PRKG1: variants seen among roughly 807,000 people sequenced by gnomAD.
PRKG1 encodes the protein protein kinase cGMP-dependent 1.
Under a neutral mutation model 88.1 loss-of-function variants are expected in PRKG1, and 35 were observed. The ratio of observed to expected loss-of-function variants is 0.40; its 90% CI spans 0.30 to 0.53. PRKG1 has a LOEUF of 0.53. Among genes scored for constraint, PRKG1 ranks in the 20% least tolerant of loss-of-function variants. PRKG1 has a pLI of 0.59. For synonymous variants in PRKG1, 303 were observed against 292.5 expected (o/e 1.04, Z -0.37); for missense variants, 540 against 839.8 (o/e 0.64, Z 4.41).
At chr10:52,251,509 T>C in intron 9 of PRKG1, 61 bp from the exon 10 acceptor site, 1 of 1,214,124 alleles carries the variant, frequency 8.2e-7, no homozygotes, top group Non-Finnish European at 1.2e-6. Flanking sequence ...GGTACAGATG[T>C]ACGTGGTACT....
intron 12 of PRKG1, 117 bp from the exon 13 acceptor site, chr10:52,280,672 C>A: frequency 1.9e-6 from 2 of 1,069,124 alleles, no homozygotes; most frequent in Non-Finnish European, 2.7e-6. Context: ...GCTAGCAGGA[C>A]AGTGATCTCT....
rs906904286 is a variant in PRKG1 at position 52,292,152 on chromosome 10, C to G, written c.1963-1650C>G. Among the ~76,000 whole-genome samples the G allele has an allele frequency of 2.7e-3, 414 of 151,258 alleles. 1 individual carries two copies. The highest frequency in any genetic ancestry group is 9.7e-3 in the African/African-American group (401 of 41,228). ...AATTTGTTTGAGTTCATTGTAGATTCTGGATATTAGCCCTTTGTCAGATGA... is the reference window on the plus strand; with the variant it reads ...AATTTGTTTGAGTTCATTGTAGATTGTGGATATTAGCCCTTTGTCAGATGA... On this transcript the variant is annotated intron_variant, in intron 17 of 17. Coordinates refer to ENST00000373980, the MANE Select transcript of PRKG1 (RefSeq NM_006258.4).
chr10:51,480,797 T>C (rs293305), intron 3 of PRKG1, among the ~76,000 whole-genome samples: 17,285 of 152,222 alleles, frequency 0.11, 1,163 homozygotes, highest in Non-Finnish European at 0.15. Context: ...TAAAATTTTC[T>C]AAATAAATGT....
At chr10:51,746,715 C>A (rs1264824014) in intron 3 of PRKG1, among the ~76,000 whole-genome samples, 1 of 148,392 alleles carries the variant, frequency 6.7e-6, no homozygotes, top group African/African-American at 2.5e-5. Flanking sequence ...AGAGTAAGAC[C>A]CTGTCTCAAA....
intron 7 of PRKG1, 89 bp from the exon 8 acceptor site, chr10:52,133,751 A>G: frequency 9.2e-7 from 1 of 1,081,188 alleles, no homozygotes; most frequent in Non-Finnish European, 1.4e-6. Context: ...AGTTTATATA[A>G]TGTAAATTTT....
chr10:51,408,879 C>T (rs1837998466), intron 2 of PRKG1, among the ~76,000 whole-genome samples: 1 of 152,248 alleles, frequency 6.6e-6, no homozygotes, highest in African/African-American at 2.4e-5. Context: ...TGAGCACTCA[C>T]ATGGGATACA....
At chr10:52,163,931 C>T (rs1026182108) in intron 9 of PRKG1, among the ~76,000 whole-genome samples, 1 of 152,144 alleles carries the variant, frequency 6.6e-6, no homozygotes, top group African/African-American at 2.4e-5. Flanking sequence ...CTGGCTCTGT[C>T]ATTACCAGAC....
chr10:52,148,049 G>T (rs2132661621), intron 8 of PRKG1, among the ~76,000 whole-genome samples: 1 of 152,252 alleles, frequency 6.6e-6, no homozygotes, highest in African/African-American at 2.4e-5. Context: ...TATTTTATGG[G>T]AAAACTTAAA....
At chr10:52,129,181 C>T (rs896327921) in intron 7 of PRKG1, among the ~76,000 whole-genome samples, 41 of 152,162 alleles carry the variant, frequency 2.7e-4, no homozygotes, top group Non-Finnish European at 1.9e-4. Flanking sequence ...TGCCCGCTAA[C>T]TTGGTAGATG....
intron 2 of PRKG1, among the ~76,000 whole-genome samples, chr10:51,226,963 C>G (rs1289854255): frequency 6.6e-6 from 1 of 152,092 alleles, no homozygotes; most frequent in Non-Finnish European, 1.5e-5. Flanking sequence ...CCACCGACCA[C>G]TTGGTGACAT....
intron 8 of PRKG1, among the ~76,000 whole-genome samples, chr10:52,134,426 G>T (rs1837348830): frequency 6.6e-6 from 1 of 151,964 alleles, no homozygotes; most frequent in South Asian, 2.1e-4. Flanking sequence ...ATATATTTAA[G>T]GCCATTAAAA....
chr10:51,956,321 G>A (rs1032304641), intron 5 of PRKG1, among the ~76,000 whole-genome samples: 4 of 151,590 alleles, frequency 2.6e-5, no homozygotes, highest in Non-Finnish European at 5.9e-5. Flanking sequence ...TACATATCTG[G>A]TGTTACAACA....
intron 4 of PRKG1, among the ~76,000 whole-genome samples, chr10:51,860,410 T>C (rs943556255): frequency 6.6e-6 from 1 of 152,198 alleles, no homozygotes; most frequent in Non-Finnish European, 1.5e-5. Flanking sequence ...GGTGAATCAC[T>C]TACTGGTTCT....
intron 2 of PRKG1, among the ~76,000 whole-genome samples, chr10:51,277,102 G>GT (rs1478860183): frequency 6.6e-6 from 1 of 152,064 alleles, no homozygotes; most frequent in African/African-American, 2.4e-5. Flanking sequence ...TAGGTCTAAC[G>GT]TTTAAGTCTT....
intron 2 of PRKG1, among the ~76,000 whole-genome samples, chr10:51,356,207 T>G (rs985986562): frequency 6.6e-6 from 1 of 152,060 alleles, no homozygotes; most frequent in African/African-American, 2.4e-5. Context: ...TGAACCAGAA[T>G]GGTTGATGAA....
chr10:52,118,442 C>T (rs2132605585), intron 7 of PRKG1, among the ~76,000 whole-genome samples: 1 of 151,892 alleles, frequency 6.6e-6, no homozygotes, highest in Non-Finnish European at 1.5e-5. Context: ...TTTCAATGTA[C>T]ATATATGTGT....
chr10:51,511,425 T>C (rs1181609813), intron 3 of PRKG1, among the ~76,000 whole-genome samples: 1 of 152,184 alleles, frequency 6.6e-6, no homozygotes, highest in Non-Finnish European at 1.5e-5. Flanking sequence ...TGGGAGGAGC[T>C]ATTTGAGTGA....
chr10:52,114,188 C>T (rs1011561294), intron 7 of PRKG1, among the ~76,000 whole-genome samples: 1 of 152,022 alleles, frequency 6.6e-6, no homozygotes, highest in African/African-American at 2.4e-5. Flanking sequence ...ATCACAGCCT[C>T]AGAAATATCA....
chr10:52,097,033 TA>T (rs200283944), intron 7 of PRKG1, among the ~76,000 whole-genome samples: 2,072 of 152,188 alleles, frequency 0.014, 49 homozygotes, highest in African/African-American at 0.046. Context: ...ATTAGAAAGT[TA>T]AAAATCAGAT....
Sources: allele counts gnomAD v4.1 joint callset (sites outside exome capture counted in the v4.1 genomes callset), GRCh38; gene constraint gnomAD v4.1.1; transcripts MANE v1.5; gene names NCBI Gene and HGNC (gene_info 2026-07-23, HGNC 2026-07-21).